Variants in PRKN observed in about 807,000 individuals in gnomAD.
PRKN encodes parkin RBR E3 ubiquitin protein ligase.
A neutral mutation model predicts 59.5 loss-of-function variants in PRKN; 56 were observed. The ratio of observed to expected loss-of-function variants is 0.94; its 90% CI spans 0.76 to 1.18. PRKN has a LOEUF of 1.18. PRKN is among the 50% of genes most tolerant of loss of function. PRKN has a pLI of 0.00. For synonymous variants in PRKN, 250 were observed against 222.1 expected, an observed-to-expected ratio of 1.13 and a Z score of -1.12; for missense variants, 657 against 596.4, an observed-to-expected ratio of 1.10 and a Z score of -1.06.
chr6:161,349,955 G>A lies in PRKN; in HGVS notation c.*144C>T, dbSNP rs1412676713. 2 of 684,446 alleles carry A rather than the reference G, an allele frequency of 2.9e-6. No individual in the cohort carries two copies. The highest frequency in any genetic ancestry group is 5.4e-6 in the Non-Finnish European group (2 of 373,610). The allele number at this position is 684,446 out of a possible 1,614,324, so 42.4% of individuals were successfully genotyped here. Reference sequence around the variant, plus strand: ...CAGGAGTTTCTTCTGCAATTTGGCTGTAGTTGGACTTTGAAAAAAACTTGA... The same window carrying A: ...CAGGAGTTTCTTCTGCAATTTGGCTATAGTTGGACTTTGAAAAAAACTTGA... On this transcript the variant is annotated 3_prime_UTR_variant, in exon 12 of 12. Transcript: ENST00000366898. This position sits in a 1 kb window ranked among gnomAD's most constrained non-coding sequence, Gnocchi z 5.5.
At position 161,402,472 on chromosome 6, in the gene PRKN, C is replaced by G. The variant is rs1236418568; in HGVS notation, c.1084-15595G>C. Among the ~76,000 whole-genome samples the G allele has an allele frequency of 6.6e-6, 1 of 152,166 alleles. No individual in the cohort carries two copies. The highest frequency in any genetic ancestry group is 1.9e-4 in the East Asian group (1 of 5,188). On this transcript the variant is annotated intron_variant, in intron 9 of 11. Coordinates refer to ENST00000366898, the MANE Select transcript of PRKN (RefSeq NM_004562.3). The surrounding 1 kb of genome is among the most constrained non-coding windows in gnomAD (Gnocchi z 4.5). ...AAATGCCACAGACATTGCTGCCTCT[C>G]TACTAATAAATAGCTTTTTGGTCCC... is the stretch of plus-strand genomic sequence containing the variant.
chr6:162,461,430 A>G (rs1296552154), intron 1 of PRKN, among the ~76,000 whole-genome samples: 1 of 122,480 alleles, frequency 8.2e-6, no homozygotes, highest in Admixed American at 1.1e-4. Flanking sequence ...TGAACCTGGG[A>G]GGTGGAGGCT....
chr6:161,450,657 A>G (rs1223734074), intron 9 of PRKN, among the ~76,000 whole-genome samples: 1 of 152,106 alleles, frequency 6.6e-6, no homozygotes. Context: ...CCCAGGTTCA[A>G]GTGATTCTCC....
chr6:162,673,877 A>G (rs1248840983), intron 1 of PRKN, among the ~76,000 whole-genome samples: 1 of 152,206 alleles, frequency 6.6e-6, no homozygotes, highest in African/African-American at 2.4e-5. Context: ...TTTAAAATGT[A>G]AAACTTCAGA....
At chr6:162,087,944 C>G (rs1008461377) in intron 4 of PRKN, among the ~76,000 whole-genome samples, 5 of 152,110 alleles carry the variant, frequency 3.3e-5, no homozygotes, top group African/African-American at 1.2e-4. Flanking sequence ...CGTGGACATT[C>G]CAGCTTCCTA....
chr6:162,623,468 AT>A (rs1220370628), intron 1 of PRKN, among the ~76,000 whole-genome samples: 4 of 152,180 alleles, frequency 2.6e-5, no homozygotes, highest in African/African-American at 9.7e-5. Flanking sequence ...TTCCAAACTT[AT>A]GAAAGCAACA....
rs1189088553 is a variant in PRKN at position 161,447,060 on chromosome 6, A to G, written c.1084-60183T>C. Among the ~76,000 whole-genome samples the G allele has an allele frequency of 6.6e-6, 1 of 152,138 alleles. No homozygotes were observed. Among genetic ancestry groups the G allele is most frequent in the African/African-American group, 2.4e-5 (1 of 41,430 alleles). On this transcript the variant is annotated intron_variant, in intron 9 of 11. Transcript: ENST00000366898. This position sits in a 1 kb window ranked among gnomAD's most constrained non-coding sequence, Gnocchi z 4.1. ...GGTGACTTCTTAATGATCTTTAAGG[A>G]AAGAAGTCAATACAAGGAAAATATC...
Position 162,219,910 on chromosome 6 carries a change from G to T in PRKN, c.413-18658C>A, listed in dbSNP as rs142397454. Among the ~76,000 whole-genome samples the T allele has an allele frequency of 5.1e-3, 775 of 152,230 alleles. 9 individuals carry two copies. The highest frequency in any genetic ancestry group is 0.018 in the African/African-American group (750 of 41,534). ...AGGATTGGCTCCAAGACCTCCTATG[G>T]ACAGCAAAATCCAACAGTGCTCAAC... On this transcript the variant is annotated intron_variant, in intron 3 of 11. Transcript: ENST00000366898.
At chr6:161,769,004 T>C (rs1020194335) in intron 7 of PRKN, among the ~76,000 whole-genome samples, 2 of 152,226 alleles carry the variant, frequency 1.3e-5, no homozygotes, top group Non-Finnish European at 2.9e-5. Context: ...AAGAATTTTA[T>C]AAAGAACTAT....
At position 161,400,644 on chromosome 6, in the gene PRKN, T is replaced by C. The variant is rs577539163; in HGVS notation, c.1084-13767A>G. On this transcript the variant is annotated intron_variant, in intron 9 of 11. Transcript: ENST00000366898. The surrounding 1 kb of genome is among the most constrained non-coding windows in gnomAD (Gnocchi z 4.2). ...TTAAACGTATTCTAAGACAAAGAAA[T>C]TCAGATTTTTTTTTTTTCGAATAAA... is the stretch of plus-strand genomic sequence containing the variant. Among the ~76,000 whole-genome samples, 4 of 150,596 alleles carry C rather than the reference T, an allele frequency of 2.7e-5. No homozygotes were observed.
At chr6:161,910,504 C>T (rs1235951197) in intron 6 of PRKN, among the ~76,000 whole-genome samples, 1 of 152,190 alleles carries the variant, frequency 6.6e-6, no homozygotes, top group Non-Finnish European at 1.5e-5. Context: ...ACCCACCCAG[C>T]TCAGCCTCCC....
intron 7 of PRKN, among the ~76,000 whole-genome samples, chr6:161,714,309 T>TAA: frequency 6.6e-6 from 1 of 152,200 alleles, no homozygotes; most frequent in Non-Finnish European, 1.5e-5. Flanking sequence ...CAATGCAGTA[T>TAA]TATTAAGAAA....
At chr6:162,275,872 C>T (rs1457589170) in intron 2 of PRKN, among the ~76,000 whole-genome samples, 1 of 151,972 alleles carries the variant, frequency 6.6e-6, no homozygotes, top group African/African-American at 2.4e-5. Flanking sequence ...TTATCTATAG[C>T]TAATTGGCAC....
intron 4 of PRKN, among the ~76,000 whole-genome samples, chr6:162,076,288 C>A (rs1254381392): frequency 6.6e-6 from 1 of 151,738 alleles, no homozygotes; most frequent in African/African-American, 2.4e-5. Flanking sequence ...CCTTCTTAAT[C>A]CAAAAAAAAC....
intron 4 of PRKN, among the ~76,000 whole-genome samples, chr6:162,067,194 C>T (rs925110983): frequency 6.6e-6 from 1 of 152,136 alleles, no homozygotes; most frequent in African/African-American, 2.4e-5. Flanking sequence ...CAGCCTTGAA[C>T]CACCTATCTA....
intron 2 of PRKN, among the ~76,000 whole-genome samples, chr6:162,347,283 T>C (rs140020094): frequency 6.6e-6 from 1 of 151,794 alleles, no homozygotes; most frequent in African/African-American, 2.4e-5. Flanking sequence ...CCAATTTTCC[T>C]TGAAGAGCCA....
chr6:162,467,518 A>G (rs922983015), intron 1 of PRKN, among the ~76,000 whole-genome samples: 2 of 152,030 alleles, frequency 1.3e-5, no homozygotes, highest in African/African-American at 2.4e-5. Context: ...CTTTATCCCT[A>G]TCATTGAGCC....
At position 161,468,015 on chromosome 6, in the gene PRKN, C is replaced by A. The variant is rs1275925936; in HGVS notation, c.1083+80839G>T. ...TGAGACAGAGTTTCACTCTTTCAAC[C>A]AGGCTGGAGTGAAGTGGTGTGATCT... On this transcript the variant is annotated intron_variant, in intron 9 of 11. Transcript: ENST00000366898. This position sits in a 1 kb window ranked among gnomAD's most constrained non-coding sequence, Gnocchi z 5.9. Among the ~76,000 whole-genome samples the A allele has an allele frequency of 6.6e-6, 1 of 152,064 alleles. No homozygotes were observed. Among genetic ancestry groups the A allele is most frequent in the Non-Finnish European group, 1.5e-5 (1 of 68,010 alleles).
At chr6:161,994,340 C>T (rs1781761076) in intron 5 of PRKN, among the ~76,000 whole-genome samples, 1 of 151,542 alleles carries the variant, frequency 6.6e-6, no homozygotes, top group Non-Finnish European at 1.5e-5. Flanking sequence ...CATGATAAAA[C>T]ATCAACAAAC....
Sources: gnomAD v4.1 joint callset for allele counts (sites outside exome capture counted in the v4.1 genomes callset) on GRCh38, gnomAD v4.1.1 for gene constraint, Gnocchi (gnomAD v3.1) non-coding constraint, MANE v1.5 for transcripts, NCBI Gene and HGNC (gene_info 2026-07-23, HGNC 2026-07-21) for gene names.